Variants in RCBTB1 observed in about 807,000 individuals in gnomAD.
The protein encoded by RCBTB1 is RCC1 and BTB domain containing protein 1, also known as RCC1 and BTB domain-containing protein 1.
In RCBTB1, 46 loss-of-function variants were observed where a neutral mutation model predicts 62.4. The ratio of observed to expected loss-of-function variants is 0.74; its 90% CI spans 0.58 to 0.94. The LOEUF (loss-of-function observed/expected upper bound fraction) is 0.94, where lower values mean the gene tolerates loss of function less well. RCBTB1 is among the 40% of genes least tolerant of loss of function. RCBTB1 has a pLI of 0.00. For missense variants in RCBTB1, 565 were observed against 654.9 expected (o/e 0.86, Z 1.50); for synonymous variants, 222 against 245.8 (o/e 0.90, Z 0.91).
In RCBTB1 at chr13:49,540,863, T is replaced by C. The variant is rs761528210; in HGVS notation, c.1455+13A>G. 2.5e-6 allele frequency: 4 copies of C among 1,610,516 alleles called. No homozygotes were observed. In the East Asian group the frequency reaches 6.7e-5, roughly 27 times the overall value. On this transcript the variant is annotated intron_variant, in intron 12 of 12. Coordinates refer to ENST00000378302, the MANE Select transcript of RCBTB1 (RefSeq NM_018191.4). ...TTAAAGGTGGTCTGGTTTCTGTTTG[T>C]TGTTTAAGTTACCTCTGCATCATAT...
intron 5 of RCBTB1, among the ~76,000 whole-genome samples, chr13:49,558,010 C>A (rs1594298134): frequency 1.3e-5 from 2 of 152,206 alleles, no homozygotes; most frequent in African/African-American, 4.8e-5. Flanking sequence ...GTGTGGCTTA[C>A]AGCAGGTCCT....
intron 3 of RCBTB1, 88 bp downstream of exon 3, chr13:49,567,066 C>A (rs967847411): frequency 8.0e-7 from 1 of 1,246,098 alleles, no homozygotes; most frequent in Non-Finnish European, 1.1e-6. Flanking sequence ...ATTTATACCC[C>A]GCCTTTTCTC....
chr13:49,564,421 C>T (rs1279986407), intron 4 of RCBTB1, among the ~76,000 whole-genome samples: 1 of 150,806 alleles, frequency 6.6e-6, no homozygotes, highest in Non-Finnish European at 1.5e-5. Context: ...CCAGTCTCTA[C>T]TAAAAGTACA....
chr13:49,553,244 T>A (rs550033970), intron 6 of RCBTB1, among the ~76,000 whole-genome samples: 88 of 152,288 alleles, frequency 5.8e-4, no homozygotes, highest in African/African-American at 2.1e-3. Context: ...GTGCAATACA[T>A]CTATAAATTT....
intron 1 of RCBTB1, among the ~76,000 whole-genome samples, chr13:49,582,617 A>T (rs1420279518): frequency 6.6e-6 from 1 of 152,262 alleles, no homozygotes; most frequent in Non-Finnish European, 1.5e-5. Flanking sequence ...TTAGGAATCC[A>T]GATGCTGGAG....
intron 12 of RCBTB1, among the ~76,000 whole-genome samples, chr13:49,537,576 C>G (rs1960036073): frequency 6.6e-6 from 1 of 152,246 alleles, no homozygotes; most frequent in South Asian, 2.1e-4. Flanking sequence ...GCTTAGCACA[C>G]AGGATTTCTG....
intron 2 of RCBTB1, among the ~76,000 whole-genome samples, chr13:49,574,563 C>T (rs112275039): frequency 4.0e-5 from 6 of 151,792 alleles, no homozygotes; most frequent in African/African-American, 1.2e-4. Flanking sequence ...AGATTCATAA[C>T]GTAGAGTGGC....
chr13:49,552,151 CACTA>C (rs1961417328), intron 7 of RCBTB1, 23 bp downstream of exon 7: 10 of 1,421,186 alleles, frequency 7.0e-6, no homozygotes, highest in East Asian at 4.8e-5. Flanking sequence ...GATGGGAAGC[CACTA>C]ACTGAGAGTG....
intron 9 of RCBTB1, among the ~76,000 whole-genome samples, chr13:49,546,720 C>T (rs918995047): frequency 2.4e-4 from 36 of 152,254 alleles, no homozygotes; most frequent in African/African-American, 8.2e-4. Flanking sequence ...ATAGGGCTTA[C>T]GCTTCTTTGA....
chr13:49,584,245 A>G (rs1179391614), intron 1 of RCBTB1, among the ~76,000 whole-genome samples: 1 of 114,650 alleles, frequency 8.7e-6, no homozygotes, highest in Non-Finnish European at 1.8e-5. Flanking sequence ...TGGATCACAC[A>G]CTTAAAAAAA....
chr13:49,581,256 T>C (rs894082186), intron 1 of RCBTB1, among the ~76,000 whole-genome samples: 3 of 149,526 alleles, frequency 2.0e-5, no homozygotes, highest in African/African-American at 5.0e-5. Context: ...AAAGAAGGGA[T>C]TGAAGCCCAC....
At chr13:49,546,877 G>C (rs1281701826) in intron 9 of RCBTB1, 1 of 870,104 alleles carries the variant, frequency 1.1e-6, no homozygotes, top group Non-Finnish European at 1.4e-6. Context: ...CCACGGACCA[G>C]TACAGGCATA....
At chr13:49,538,027 C>G (rs550822538) in intron 12 of RCBTB1, 3 of 152,236 alleles carry the variant, frequency 2.0e-5, no homozygotes, top group Admixed American at 6.5e-5. Context: ...CTCCATCTTC[C>G]TAGCATTTTG....
intron 2 of RCBTB1, among the ~76,000 whole-genome samples, chr13:49,571,407 G>T (rs1433872915): frequency 6.6e-6 from 1 of 152,148 alleles, no homozygotes; most frequent in Non-Finnish European, 1.5e-5. Context: ...CTTCTGCCTA[G>T]ATTTGCCTGG....
chr13:49,568,655 G>T (rs921939490), intron 2 of RCBTB1, among the ~76,000 whole-genome samples: 5 of 9,396 alleles, frequency 5.3e-4, no homozygotes, highest in African/African-American at 3.1e-3. Flanking sequence ...GGCCGGGGGA[G>T]GGGGGTGGCT....
intron 2 of RCBTB1, among the ~76,000 whole-genome samples, chr13:49,579,551 G>A (rs1963976801): frequency 6.6e-6 from 1 of 151,964 alleles, no homozygotes; most frequent in African/African-American, 2.4e-5. Context: ...GTGAGCCCAG[G>A]AGGCACAGCT....
intron 4 of RCBTB1, among the ~76,000 whole-genome samples, chr13:49,564,817 G>A (rs1344447937): frequency 6.6e-6 from 1 of 151,604 alleles, no homozygotes; most frequent in African/African-American, 2.4e-5. Context: ...CGTGAACCCA[G>A]GAGGTGGAGC....
intron 6 of RCBTB1, among the ~76,000 whole-genome samples, chr13:49,554,869 T>C (rs1010128192): frequency 5.9e-5 from 9 of 152,222 alleles, no homozygotes; most frequent in Admixed American, 5.2e-4. Context: ...CACCAATGCA[T>C]GATGCCAAAA....
chr13:49,550,926 A>C (rs1474082125), intron 8 of RCBTB1, among the ~76,000 whole-genome samples: 2 of 152,000 alleles, frequency 1.3e-5, no homozygotes, highest in Non-Finnish European at 2.9e-5. Flanking sequence ...ACATGGCGAA[A>C]CCCTGTCTCT....
Sources: allele counts gnomAD v4.1 joint callset (sites outside exome capture counted in the v4.1 genomes callset), GRCh38; gene constraint gnomAD v4.1.1; transcripts MANE v1.5; gene names NCBI Gene and HGNC (gene_info 2026-07-23, HGNC 2026-07-21).